MAF: variants seen among roughly 807,000 people sequenced by gnomAD.
MAF encodes the protein MAF bZIP transcription factor, also known as transcription factor Maf.
Under a neutral mutation model 22.0 loss-of-function variants are expected in MAF, and 10 were observed. That is an observed-to-expected ratio of 0.45 (90% CI 0.28 to 0.77). The LOEUF is 0.77. MAF is among the 30% of genes least tolerant of loss of function. The pLI, the probability that MAF is intolerant of heterozygous loss-of-function variation, is 0.12. For synonymous variants in MAF, 337 were observed against 255.8 expected (o/e 1.32, Z -3.03); for missense variants, 544 against 548.4 (o/e 0.99, Z 0.08).
chr16:79,318,142 A>T, the MAF span, among the ~76,000 whole-genome samples: 1 of 152,338 alleles, frequency 6.6e-6, no homozygotes, highest in Non-Finnish European at 1.5e-5. Flanking sequence ...CTGTGGGGCT[A>T]CAGGGAAGAG....
the MAF span, among the ~76,000 whole-genome samples, chr16:79,566,771 C>T: frequency 2.6e-4 from 40 of 152,320 alleles, no homozygotes; most frequent in African/African-American, 9.1e-4. Context: ...TTCCCGACTC[C>T]TTCCACACTT....
At chr16:79,575,243 T>C in the MAF span, among the ~76,000 whole-genome samples, 1 of 152,120 alleles carries the variant, frequency 6.6e-6, no homozygotes, top group Admixed American at 6.6e-5. Context: ...GAAGTGGTCA[T>C]TGCCCAAGCC....
the MAF span, among the ~76,000 whole-genome samples, chr16:79,537,877 C>T: frequency 1.3e-5 from 2 of 152,158 alleles, no homozygotes; most frequent in Non-Finnish European, 2.9e-5. Context: ...CCCTGAATTC[C>T]TGGCTTGATG....
the MAF span, among the ~76,000 whole-genome samples, chr16:79,252,498 CT>C: frequency 6.6e-6 from 1 of 151,510 alleles, no homozygotes; most frequent in African/African-American, 2.4e-5. Context: ...GATTTTTTTT[CT>C]TTTTTTTCGA....
chr16:79,456,535 A>G, the MAF span, among the ~76,000 whole-genome samples: 1 of 152,208 alleles, frequency 6.6e-6, no homozygotes, highest in East Asian at 1.9e-4. Flanking sequence ...CTGAATGAGC[A>G]TAGATTACTC....
chr16:79,455,497 G>A, the MAF span, among the ~76,000 whole-genome samples: 4 of 152,216 alleles, frequency 2.6e-5, no homozygotes, highest in Non-Finnish European at 5.9e-5. Context: ...GCGCACAAAT[G>A]GCAAGGATGA....
the MAF span, among the ~76,000 whole-genome samples, chr16:79,301,655 A>T: frequency 3.3e-5 from 5 of 152,144 alleles, no homozygotes; most frequent in Non-Finnish European, 4.4e-5. Context: ...AGACACATAC[A>T]TATATGCATG....
At chr16:79,229,947 C>A in the MAF span, among the ~76,000 whole-genome samples, 1 of 151,860 alleles carries the variant, frequency 6.6e-6, no homozygotes, top group Non-Finnish European at 1.5e-5. Flanking sequence ...AAACACACAG[C>A]CCCGCCATCT....
chr16:79,547,739 C>T, the MAF span, among the ~76,000 whole-genome samples: 1 of 152,078 alleles, frequency 6.6e-6, no homozygotes, highest in African/African-American at 2.4e-5. Context: ...TATAAGCCAC[C>T]ATATAGCATA....
At chr16:79,392,289 G>T in the MAF span, among the ~76,000 whole-genome samples, 1 of 148,840 alleles carries the variant, frequency 6.7e-6, no homozygotes, top group Admixed American at 6.7e-5. Context: ...AGGAAGTGGG[G>T]AGAGAGAGAG....
chr16:79,424,550 T>C, the MAF span, among the ~76,000 whole-genome samples: 1 of 152,220 alleles, frequency 6.6e-6, no homozygotes, highest in Non-Finnish European at 1.5e-5. Context: ...ATTCTATTCA[T>C]TTGTTTCTTC....
At chr16:79,442,712 G>A in the MAF span, among the ~76,000 whole-genome samples, 374 of 152,318 alleles carry the variant, frequency 2.5e-3, 2 homozygotes, top group African/African-American at 8.2e-3. Flanking sequence ...TTGCCTGGCT[G>A]AATCTTTTTC....
At chr16:79,450,270 G>A in the MAF span, among the ~76,000 whole-genome samples, 155 of 152,260 alleles carry the variant, frequency 1.0e-3, 1 homozygote, top group Non-Finnish European at 1.5e-3. Context: ...GTCATTTTCA[G>A]TGCTCCTTAT....
the MAF span, among the ~76,000 whole-genome samples, chr16:79,216,646 T>C: frequency 6.6e-6 from 1 of 152,176 alleles, no homozygotes; most frequent in Non-Finnish European, 1.5e-5. Flanking sequence ...GGCTATGCTA[T>C]GATGTTCAAT....
the MAF span, among the ~76,000 whole-genome samples, chr16:79,568,285 T>C: frequency 6.6e-6 from 1 of 152,202 alleles, no homozygotes; most frequent in Non-Finnish European, 1.5e-5. Flanking sequence ...TGGTCCCTGG[T>C]GTCTTCCACT....
chr16:79,222,000 A>G, the MAF span, among the ~76,000 whole-genome samples: 1 of 152,208 alleles, frequency 6.6e-6, no homozygotes. Flanking sequence ...TAAAAATAAT[A>G]TCATGAGAAA....
chr16:79,600,395 G>T lies in MAF; in HGVS notation c.-493C>A. 1 of 197,568 alleles carries T rather than the reference G, an allele frequency of 5.1e-6. No individual in the cohort carries two copies. Among genetic ancestry groups the T allele is most frequent in the Non-Finnish European group, 1.2e-5 (1 of 86,584 alleles). 12.2% of individuals were successfully genotyped at this position (197,568 alleles called of 1,614,324 possible). On this transcript the variant is annotated 5_prime_UTR_variant, in exon 1 of 2. Transcript: ENST00000326043. Reference sequence around the variant, plus strand: ...GTCCGCTCGGGGCTGGAGGCGCGGCGGGCGTCTGTCCGGGCGGCGCGGGCC... The same window carrying T: ...GTCCGCTCGGGGCTGGAGGCGCGGCTGGCGTCTGTCCGGGCGGCGCGGGCC...
Position 79,600,078 on chromosome 16 carries a change from C to A in MAF, c.-176G>T. 6.9e-6 allele frequency: 5 copies of A among 725,406 alleles called. No homozygotes were observed. The highest frequency in any genetic ancestry group is 8.5e-6 in the Non-Finnish European group (4 of 472,444). 44.9% of individuals were successfully genotyped at this position (725,406 alleles called of 1,614,324 possible). A position where few individuals can be genotyped will look rare whatever the true frequency, so the allele number is the denominator to read the frequency against. On this transcript the variant is annotated 5_prime_UTR_variant, in exon 1 of 2. Coordinates refer to ENST00000326043, the MANE Select transcript of MAF (RefSeq NM_005360.5). ...CGAGCGCGCTCACACACACACCCCC[C>A]CGCCCTGCCCGCGCCCCCCGCGCCC... is the stretch of plus-strand genomic sequence containing the variant.
At chr16:79,212,306 G>C in the MAF span, 2 of 922,886 alleles carry the variant, frequency 2.2e-6, no homozygotes, top group South Asian at 3.8e-5. Flanking sequence ...AACTGCTGGG[G>C]AGACAAATCT....
Sources: gnomAD v4.1 joint callset for allele counts (sites outside exome capture counted in the v4.1 genomes callset) on GRCh38, gnomAD v4.1.1 for gene constraint, MANE v1.5 for transcripts, NCBI Gene and HGNC (gene_info 2026-07-23, HGNC 2026-07-21) for gene names.